The following ULK2 variants were observed in gnomAD, a reference collection of about 807,000 sequenced individuals.
ULK2 encodes unc-51 like autophagy activating kinase 2.
Under a neutral mutation model 127.5 loss-of-function variants are expected in ULK2, and 76 were observed. The observed-to-expected ratio is 0.60, with a 90% confidence interval of 0.50 to 0.72. ULK2 has a LOEUF of 0.72. Ranked by LOEUF, ULK2 falls within the 30% of genes least tolerant of loss-of-function variation. The probability of loss-of-function intolerance (pLI) is 0.00; values close to 1 mark genes in which losing one functional copy is unlikely to be tolerated. For synonymous variants in ULK2, 452 were observed against 461.9 expected, an observed-to-expected ratio of 0.98 and a Z score of 0.28; for missense variants, 1,144 against 1,295.9, an observed-to-expected ratio of 0.88 and a Z score of 1.80.
At chr17:19,805,366 G>T (rs975206526) in intron 14 of ULK2, among the ~76,000 whole-genome samples, 9 of 152,108 alleles carry the variant, frequency 5.9e-5, no homozygotes, top group African/African-American at 1.4e-4. Flanking sequence ...TTCTTTAATA[G>T]CCTCTTTCCT....
intron 19 of ULK2, 54 bp from the exon 20 acceptor site, chr17:19,795,779 G>A: frequency 2.6e-6 from 4 of 1,520,094 alleles, no homozygotes; most frequent in Non-Finnish European, 3.6e-6. Flanking sequence ...TTTAAAACTA[G>A]AAGGGTTAAT....
chr17:19,807,967 G>T (rs761972515), intron 14 of ULK2, among the ~76,000 whole-genome samples: 6 of 152,106 alleles, frequency 3.9e-5, no homozygotes, highest in Admixed American at 6.6e-5. Context: ...TTAGCCAGGC[G>T]TGGTGGCGGG....
At chr17:19,840,838 G>A (rs539296539) in intron 9 of ULK2, among the ~76,000 whole-genome samples, 5 of 151,998 alleles carry the variant, frequency 3.3e-5, no homozygotes, top group East Asian at 1.9e-4. Context: ...GCAGTGAGCC[G>A]AGATCATGCC....
chr17:19,823,898 A>G (rs2152392365), intron 12 of ULK2, among the ~76,000 whole-genome samples: 1 of 152,330 alleles, frequency 6.6e-6, no homozygotes, highest in Admixed American at 6.5e-5. Context: ...TCTGTTTGCA[A>G]CAGGCTACAT....
intron 1 of ULK2, among the ~76,000 whole-genome samples, chr17:19,867,067 T>C (rs1411733704): frequency 6.6e-6 from 1 of 152,164 alleles, no homozygotes; most frequent in Non-Finnish European, 1.5e-5. Context: ...CAAACGCTCC[T>C]GCGGGCGGAC....
chr17:19,799,586 A>G lies in ULK2; in HGVS notation c.1442-11T>C. The G allele has an allele frequency of 6.6e-7, 1 of 1,523,866 alleles. No individual in the cohort carries two copies. The highest frequency in any genetic ancestry group is 8.8e-7 in the Non-Finnish European group (1 of 1,141,848). The allele number at this position is 1,523,866 out of a possible 1,614,324, so 94.4% of individuals were successfully genotyped here. On this transcript the variant is annotated splice_polypyrimidine_tract_variant and intron_variant, in intron 16 of 26. Transcript: ENST00000395544. ...CAGGAATGGTACCAACTACAAAAAA[A>G]AAAAAAAAAAAGATGGGGAAAGGAA...
In ULK2 at chr17:19,814,450, T is replaced by A. The variant is rs1286602814; in HGVS notation, c.1096+2299A>T. The stretch of plus-strand genomic sequence containing the variant: ...TATATATATATATATTTTTTTTTTT[T>A]TTTTTTTTTTTTTGGAGACAGGGTC... On this transcript the variant is annotated intron_variant, in intron 13 of 26. Transcript: ENST00000395544. Among the ~76,000 whole-genome samples, 370 of 60,070 alleles carry A rather than the reference T, an allele frequency of 6.2e-3. 14 individuals carry two copies. The highest frequency in any genetic ancestry group is 0.027 in the African/African-American group (355 of 13,050). The allele number at this position is 60,070 out of a possible 152,430, so 39.4% of individuals were successfully genotyped here.
At chr17:19,824,199 CT>C in intron 12 of ULK2, among the ~76,000 whole-genome samples, 1 of 152,248 alleles carries the variant, frequency 6.6e-6, no homozygotes, top group African/African-American at 2.4e-5. Context: ...GTGGCTCACA[CT>C]TTGGGAGGCC....
chr17:19,855,051 G>C (rs1192802479), intron 3 of ULK2, among the ~76,000 whole-genome samples: 1 of 149,108 alleles, frequency 6.7e-6, no homozygotes, highest in Non-Finnish European at 1.5e-5. Context: ...AGTGAGCTGA[G>C]AGTGCGCCAC....
intron 14 of ULK2, among the ~76,000 whole-genome samples, chr17:19,809,727 C>A (rs375637581): frequency 0.3 from 30,461 of 100,734 alleles, 4,242 homozygotes; most frequent in South Asian, 0.45. Flanking sequence ...GACGAGACTC[C>A]GTCTCAAAAA....
Position 19,826,185 on chromosome 17 carries a change from T to G in ULK2, c.789A>C (p.Glu263Asp). 6.9e-7 allele frequency: 1 copy of G among 1,453,856 alleles called. No homozygotes were observed. The highest frequency in any genetic ancestry group is 1.4e-5 in the African/African-American group (1 of 70,500). The allele number at this position is 1,453,856 out of a possible 1,614,324, so 90.1% of individuals were successfully genotyped here. A position where few individuals can be genotyped will look rare whatever the true frequency, so the allele number is the denominator to read the frequency against. The change falls in exon 11 of 27, where the codon GAA (glutamate) becomes GAC (aspartate). Residue 263 changes from glutamate to aspartate, a missense_variant and splice_region_variant. Transcript: ENST00000395544. The part of the protein sequence containing the change: ...QRNQKDRMDF[E>D]AFFSHPFLEQ... ...CAAGAAAAGGATGGCTAAAAAATGC[T>G]TCTGTAACAAGAAATGAGAATGCAA...
At chr17:19,840,205 C>T (rs574345543) in intron 9 of ULK2, 12 of 496,040 alleles carry the variant, frequency 2.4e-5, no homozygotes, top group South Asian at 7.4e-5. Flanking sequence ...AACATATCTC[C>T]GGACACCCGA....
At chr17:19,802,789 TGA>T (rs1460910830) in intron 15 of ULK2, among the ~76,000 whole-genome samples, 1 of 152,228 alleles carries the variant, frequency 6.6e-6, no homozygotes, top group South Asian at 2.1e-4. Flanking sequence ...CTCCATTATG[TGA>T]GACTCCATTC....
In ULK2 at chr17:19,794,596, T is replaced by C. The variant is rs181725899; in HGVS notation, c.2101+1026A>G. Among the ~76,000 whole-genome samples, 14 of 152,230 alleles carry C rather than the reference T, an allele frequency of 9.2e-5. No individual in the cohort carries two copies. In the East Asian group the frequency reaches 2.7e-3, roughly 29 times the overall value. On this transcript the variant is annotated intron_variant, in intron 20 of 26. Transcript: ENST00000395544. ...ACATCAGACTTCTCTTTAGAAACTATGCAGGGAAGAAGATAGTACAGTGAA... is the reference window on the plus strand; with the variant it reads ...ACATCAGACTTCTCTTTAGAAACTACGCAGGGAAGAAGATAGTACAGTGAA...
chr17:19,787,048 G>A (rs2087048876), intron 20 of ULK2, among the ~76,000 whole-genome samples: 1 of 151,326 alleles, frequency 6.6e-6, no homozygotes, highest in African/African-American at 2.4e-5. Context: ...CGCCAGGCTG[G>A]AGTGCATTGG....
chr17:19,799,670 A>C, intron 16 of ULK2, 95 bp from the exon 17 acceptor site: 2 of 1,227,046 alleles, frequency 1.6e-6, no homozygotes, highest in Non-Finnish European at 2.2e-6. Flanking sequence ...CAAATTGCAC[A>C]GTAAACTACT....
At chr17:19,806,833 T>C (rs757213744) in intron 14 of ULK2, among the ~76,000 whole-genome samples, 1 of 152,196 alleles carries the variant, frequency 6.6e-6, no homozygotes, top group Non-Finnish European at 1.5e-5. Context: ...TATGAAATAC[T>C]TGAAAGATAA....
At position 19,799,579 on chromosome 17, in the gene ULK2, C is replaced by CAAAAAAA. The variant is rs11456096; in HGVS notation, c.1442-11_1442-5dup. On this transcript the variant is annotated splice_region_variant and splice_polypyrimidine_tract_variant and intron_variant, in intron 16 of 26. Coordinates refer to ENST00000395544, the MANE Select transcript of ULK2 (RefSeq NM_014683.4). ...AATTGCTCAGGAATGGTACCAACTA[C>CAAAAAAA]AAAAAAAAAAAAAAAAAAGATGGGG... 5.4e-5 allele frequency: 65 copies of CAAAAAAA among 1,194,368 alleles called. No homozygotes were observed. The highest frequency in any genetic ancestry group is 2.7e-4 in the South Asian group (12 of 43,718). 74.0% of individuals were successfully genotyped at this position (1,194,368 alleles called of 1,614,324 possible).
intron 5 of ULK2, 27 bp from the exon 6 acceptor site, chr17:19,846,937 T>C: frequency 6.3e-7 from 1 of 1,577,576 alleles, no homozygotes; most frequent in Non-Finnish European, 8.6e-7. Flanking sequence ...CACGTAAATA[T>C]TTAAGCACAC....
Sources: gnomAD v4.1 joint callset for allele counts (sites outside exome capture counted in the v4.1 genomes callset) on GRCh38, gnomAD v4.1.1 for gene constraint, MANE v1.5 for transcripts, NCBI Gene and HGNC (gene_info 2026-07-23, HGNC 2026-07-21) for gene names.